Variants in CDC27 observed in about 807,000 individuals in gnomAD.
CDC27 encodes the protein cell division cycle protein 27 homolog.
CDC27 carries 27 observed loss-of-function variants against 109.7 expected under a neutral mutation model. That is an observed-to-expected ratio of 0.25 (90% CI 0.18 to 0.34). The LOEUF is 0.34. Ranked by LOEUF, CDC27 falls within the 10% of genes least tolerant of loss-of-function variation. The pLI, the probability that CDC27 is intolerant of heterozygous loss-of-function variation, is 1.00. For synonymous variants in CDC27, 266 were observed against 333.9 expected, an observed-to-expected ratio of 0.80 and a Z score of 2.22; for missense variants, 579 against 960.2, an observed-to-expected ratio of 0.60 and a Z score of 5.25.
At chr17:47,160,531 C>T (rs1264839519) in intron 4 of CDC27, among the ~76,000 whole-genome samples, 4 of 152,124 alleles carry the variant, frequency 2.6e-5, no homozygotes, top group Non-Finnish European at 5.9e-5. Flanking sequence ...TGGTCGCCTC[C>T]TCCTTAGCTT....
At chr17:47,164,796 G>T (rs901886901) in intron 4 of CDC27, among the ~76,000 whole-genome samples, 1 of 152,052 alleles carries the variant, frequency 6.6e-6, no homozygotes, top group Non-Finnish European at 1.5e-5. Flanking sequence ...CAGCCTGAGC[G>T]ACAGAGCGCA....
chr17:47,142,339 A>T lies in CDC27; in HGVS notation c.1268T>A (p.Ile423Lys), dbSNP rs1484823243. The T allele has an allele frequency of 2.6e-6, 4 of 1,532,160 alleles. No homozygotes were observed. Among genetic ancestry groups the T allele is most frequent in the Non-Finnish European group, 2.7e-6 (3 of 1,109,388 alleles). The allele number at this position is 1,532,160 out of a possible 1,614,324, so 94.9% of individuals were successfully genotyped here. ...TNKGGITQPN[I>K]NDSLEITKLD... is the part of the protein sequence containing the mutation. ...TTTTGTAATTTCCAGGCTATCATTT[A>T]TGTTAGGTTGAGTTATTCCTCCTTT... The change falls in exon 11 of 19, where the codon ATA becomes AAA. Residue 423 changes from isoleucine to lysine, a missense_variant. This residue lies in a region of CDC27 where 58 missense variants were observed against 116.6 expected (regional missense o/e 0.50). Coordinates refer to ENST00000066544, the MANE Select transcript of CDC27 (RefSeq NM_001256.6).
intron 8 of CDC27, among the ~76,000 whole-genome samples, chr17:47,153,061 G>T (rs11079760): frequency 1.3e-5 from 2 of 151,960 alleles, no homozygotes; most frequent in African/African-American, 2.4e-5. Context: ...GCCTTCCTCC[G>T]CCTTTTCCAA....
chr17:47,155,896 T>C (rs1345278827), intron 7 of CDC27, among the ~76,000 whole-genome samples: 1 of 152,104 alleles, frequency 6.6e-6, no homozygotes, highest in East Asian at 1.9e-4. Flanking sequence ...GAGGCTGCAG[T>C]GAGCTATGAT....
chr17:47,183,883 G>A (rs1263710863), intron 1 of CDC27, among the ~76,000 whole-genome samples: 1 of 152,074 alleles, frequency 6.6e-6, no homozygotes, highest in East Asian at 1.9e-4. Flanking sequence ...TTAGCATTAA[G>A]TTTCTTTGTA....
rs1482214515 is a variant in CDC27 at position 47,157,532 on chromosome 17, CA to C, written c.476-149del. ...CACTTCTGCTAATCAAATTTACCCC[CA>C]AAAAACCCATCTATCAATATATCAT... On this transcript the variant is annotated intron_variant, in intron 5 of 18. Transcript: ENST00000066544. 14 of 524,604 alleles carry C rather than the reference CA, an allele frequency of 2.7e-5. No homozygotes were observed. The Admixed American group carries it at 4.3e-4, about 16-fold the overall frequency. 32.5% of individuals were successfully genotyped at this position (524,604 alleles called of 1,614,324 possible).
At chr17:47,147,693 G>T (rs2063013187) in intron 9 of CDC27, among the ~76,000 whole-genome samples, 1 of 151,864 alleles carries the variant, frequency 6.6e-6, no homozygotes, top group Non-Finnish European at 1.5e-5. Flanking sequence ...AACATAGCAA[G>T]ACCTTGTCTC....
rs187418928 is a variant in CDC27, at chr17:47,170,075, C to T, written c.252-33G>A. The stretch of plus-strand genomic sequence containing the variant: ...ATACAAATTTAAAGATTTTTAAAAA[C>T]CAATATAAAAAGCAGTTCATGTAAA... On this transcript the variant is annotated intron_variant, in intron 3 of 18. Transcript: ENST00000066544. The T allele has an allele frequency of 2.7e-4, 394 of 1,432,812 alleles. 4 individuals are homozygous for T. In the Middle Eastern group the frequency reaches 0.01, roughly 37 times the overall value. The allele number at this position is 1,432,812 out of a possible 1,614,324, so 88.8% of individuals were successfully genotyped here. A position where few individuals can be genotyped will look rare whatever the true frequency, so the allele number is the denominator to read the frequency against.
intron 15 of CDC27, among the ~76,000 whole-genome samples, chr17:47,131,750 C>G (rs913697500): frequency 2.7e-5 from 4 of 145,946 alleles, no homozygotes; most frequent in Non-Finnish European, 4.5e-5. Flanking sequence ...CTCACAGCAG[C>G]CTTGCACTCC....
rs118042836 is a variant in CDC27, at chr17:47,166,429, A to T, written c.377+3488T>A. The stretch of plus-strand genomic sequence containing the variant: ...AAGTTTTCAGCATACACATCCTTTC[A>T]CTGTCCTCAGGGTAGGTAGTGATAT... On this transcript the variant is annotated intron_variant, in intron 4 of 18. Coordinates refer to ENST00000066544, the MANE Select transcript of CDC27 (RefSeq NM_001256.6). Among the ~76,000 whole-genome samples the T allele has an allele frequency of 2.5e-3, 376 of 152,228 alleles. 2 individuals carry two copies. The highest frequency in any genetic ancestry group is 2.5e-3 in the Non-Finnish European group (169 of 68,018).
At chr17:47,152,465 T>C (rs1412661753) in intron 8 of CDC27, among the ~76,000 whole-genome samples, 11 of 152,186 alleles carry the variant, frequency 7.2e-5, no homozygotes, top group Non-Finnish European at 2.9e-5. Context: ...TATTGCTTAG[T>C]TTTTCTAATC....
At chr17:47,149,967 A>G (rs2063105845) in intron 9 of CDC27, among the ~76,000 whole-genome samples, 1 of 152,166 alleles carries the variant, frequency 6.6e-6, no homozygotes, top group South Asian at 2.1e-4. Flanking sequence ...ACAAAAACAA[A>G]AACAAAAACA....
At chr17:47,143,614 T>C (rs567738225) in intron 10 of CDC27, among the ~76,000 whole-genome samples, 43 of 152,306 alleles carry the variant, frequency 2.8e-4, no homozygotes, top group African/African-American at 1.0e-3. Context: ...TGATCTGTTG[T>C]CCATTCCTAT....
intron 5 of CDC27, among the ~76,000 whole-genome samples, chr17:47,157,617 T>G (rs145379298): frequency 9.8e-5 from 15 of 152,328 alleles, no homozygotes; most frequent in Non-Finnish European, 2.1e-4. Context: ...ACACTAATTT[T>G]AAACATAACA....
chr17:47,161,205 A>G (rs1199684785), intron 4 of CDC27: 1 of 151,600 alleles, frequency 6.6e-6, no homozygotes. Flanking sequence ...AAAAAAAAAA[A>G]AAAGTTAGCG....
At chr17:47,180,419 A>G (rs1031546467) in intron 2 of CDC27, among the ~76,000 whole-genome samples, 1 of 152,042 alleles carries the variant, frequency 6.6e-6, no homozygotes, top group African/African-American at 2.4e-5. Flanking sequence ...ACATCCCACT[A>G]TCTCAGAGTC....
chr17:47,163,345 C>A (rs2063550851), intron 4 of CDC27, among the ~76,000 whole-genome samples: 1 of 152,046 alleles, frequency 6.6e-6, no homozygotes, highest in African/African-American at 2.4e-5. Flanking sequence ...AAATGAAAAG[C>A]CAGGATTGGG....
At chr17:47,122,665 T>G in intron 17 of CDC27, 65 bp from the exon 18 acceptor site, 1 of 1,200,320 alleles carries the variant, frequency 8.3e-7, no homozygotes, top group Non-Finnish European at 1.1e-6. Context: ...AAATTCTAAC[T>G]ATATATATAC....
In CDC27 at chr17:47,120,852, G is replaced by C. The variant is rs760482419; in HGVS notation, c.*83C>G. 2 of 956,818 alleles carry C rather than the reference G, an allele frequency of 2.1e-6. No homozygotes were observed. The highest frequency in any genetic ancestry group is 3.3e-6 in the Non-Finnish European group (2 of 602,358). The allele number at this position is 956,818 out of a possible 1,614,324, so 59.3% of individuals were successfully genotyped here. A position where few individuals can be genotyped will look rare whatever the true frequency, so the allele number is the denominator to read the frequency against. On this transcript the variant is annotated 3_prime_UTR_variant, in exon 19 of 19. Coordinates refer to ENST00000066544, the MANE Select transcript of CDC27 (RefSeq NM_001256.6). The stretch of plus-strand genomic sequence containing the variant: ...ACGGACGATGACACCGCCAGCTCAA[G>C]AGTAAAGACTCAGTATACAGAGGGA...
Sources: allele counts gnomAD v4.1 joint callset (sites outside exome capture counted in the v4.1 genomes callset), GRCh38; gene constraint gnomAD v4.1.1; regional missense constraint gnomAD v4.1.1; transcripts MANE v1.5; gene names NCBI Gene and HGNC (gene_info 2026-07-23, HGNC 2026-07-21).